Variants in CACNA2D1 observed in about 807,000 individuals in gnomAD.
CACNA2D1 encodes the protein calcium voltage-gated channel auxiliary subunit alpha2delta 1.
A neutral mutation model predicts 171.5 loss-of-function variants in CACNA2D1; 53 were observed. The observed-to-expected ratio is 0.31, with a 90% CI of 0.25 to 0.39. CACNA2D1 has a LOEUF of 0.39. Among genes scored for constraint, CACNA2D1 ranks in the 10% least tolerant of loss-of-function variants. The probability of loss-of-function intolerance (pLI) is 1.00; values close to 1 mark genes in which losing one functional copy is unlikely to be tolerated. For synonymous variants in CACNA2D1, 442 were observed against 443.1 expected (o/e 1.00, Z 0.03); for missense variants, 903 against 1,299.8 (o/e 0.69, Z 4.69).
chr7:82,132,438 T>C (rs1042453597), intron 5 of CACNA2D1, among the ~76,000 whole-genome samples: 3 of 152,194 alleles, frequency 2.0e-5, no homozygotes, highest in African/African-American at 4.8e-5. Context: ...CATATCCTCT[T>C]GCAACAAGGC....
At chr7:82,400,570 A>T (rs1826275746) in intron 1 of CACNA2D1, among the ~76,000 whole-genome samples, 1 of 151,860 alleles carries the variant, frequency 6.6e-6, no homozygotes, top group Non-Finnish European at 1.5e-5. Context: ...TGGATTAAAG[A>T]CTTAAACGTT....
chr7:82,049,840 G>T (rs1804990331), intron 10 of CACNA2D1, among the ~76,000 whole-genome samples: 1 of 152,186 alleles, frequency 6.6e-6, no homozygotes, highest in Non-Finnish European at 1.5e-5. Context: ...CTAGATGGAT[G>T]GCTTTTGATA....
At chr7:82,185,319 C>T (rs1337616824) in intron 3 of CACNA2D1, among the ~76,000 whole-genome samples, 1 of 141,182 alleles carries the variant, frequency 7.1e-6, no homozygotes, top group Non-Finnish European at 1.6e-5. Context: ...GCAGCATTCA[C>T]AGATTGGAAC....
chr7:82,225,198 A>G (rs181507401), intron 3 of CACNA2D1, among the ~76,000 whole-genome samples: 191 of 152,344 alleles, frequency 1.3e-3, no homozygotes, highest in African/African-American at 4.4e-3. Flanking sequence ...GACTTTGCCA[A>G]TTATGAAATT....
rs117698691 is a variant in CACNA2D1 at position 82,160,968 on chromosome 7, T to A, written c.354+9582A>T. Among the ~76,000 whole-genome samples, 471 of 152,198 alleles carry A rather than the reference T, an allele frequency of 3.1e-3. 2 individuals carry two copies. Among genetic ancestry groups the A allele is most frequent in the South Asian group, 5.2e-3 (25 of 4,826 alleles). ...TAAGAGTTTAACAATAGAAAAGCTA[T>A]ACATTTACTTAATATATGTTTTATG... On this transcript the variant is annotated intron_variant, in intron 4 of 38. Transcript: ENST00000356860.
intron 7 of CACNA2D1, among the ~76,000 whole-genome samples, 157 bp downstream of exon 7, chr7:82,084,612 G>A (rs918590644): frequency 6.6e-6 from 1 of 152,120 alleles, no homozygotes; most frequent in Non-Finnish European, 1.5e-5. Context: ...TAAAGTGACT[G>A]TGGTCAATCC....
chr7:82,357,119 T>C (rs1820516485), intron 1 of CACNA2D1, among the ~76,000 whole-genome samples: 1 of 152,152 alleles, frequency 6.6e-6, no homozygotes, highest in South Asian at 2.1e-4. Context: ...AATAAACATA[T>C]AGAATATGCA....
At chr7:82,273,505 AAC>A (rs1453246144) in intron 3 of CACNA2D1, among the ~76,000 whole-genome samples, 1 of 151,800 alleles carries the variant, frequency 6.6e-6, no homozygotes, top group African/African-American at 2.4e-5. Flanking sequence ...TATTTTTAGA[AAC>A]AGGATCTTGC....
chr7:82,288,594 T>G (rs1811142017), intron 3 of CACNA2D1, among the ~76,000 whole-genome samples: 2 of 152,174 alleles, frequency 1.3e-5, no homozygotes, highest in African/African-American at 4.8e-5. Context: ...AGACACTGAT[T>G]TAATATTCCA....
intron 4 of CACNA2D1, among the ~76,000 whole-genome samples, chr7:82,151,453 A>G (rs3801742): frequency 0.4 from 60,893 of 151,972 alleles, 13,024 homozygotes; most frequent in African/African-American, 0.57. Flanking sequence ...TTCTTAGTCC[A>G]TGGTTGCTAA....
intron 19 of CACNA2D1, among the ~76,000 whole-genome samples, chr7:81,995,660 A>C (rs1400386226): frequency 6.6e-6 from 1 of 152,010 alleles, no homozygotes; most frequent in African/African-American, 2.4e-5. Flanking sequence ...TTAGCCAGGC[A>C]TGGTGGCAGG....
At chr7:82,138,387 AT>A (rs1356442456) in intron 4 of CACNA2D1, among the ~76,000 whole-genome samples, 1 of 151,862 alleles carries the variant, frequency 6.6e-6, no homozygotes, top group African/African-American at 2.4e-5. Flanking sequence ...TTTAACATGC[AT>A]AAAAATTCTA....
chr7:82,284,174 A>G (rs1054748678), intron 3 of CACNA2D1, among the ~76,000 whole-genome samples: 9 of 151,500 alleles, frequency 5.9e-5, no homozygotes, highest in Middle Eastern at 3.4e-3. Flanking sequence ...CCTGGGCAAC[A>G]TAAGAGCCTT....
rs1304283780 is a variant in CACNA2D1 at position 81,956,681 on chromosome 7, AC to A, written c.3159+2593del. Reference sequence around the variant, plus strand: ...GCTATTCTACTCCCCACCCTCTATCACCCCTGCCTGTGAATTCACTCCATTC... The same window carrying A: ...GCTATTCTACTCCCCACCCTCTATCACCCTGCCTGTGAATTCACTCCATTC... On this transcript the variant is annotated intron_variant, in intron 38 of 38. Coordinates refer to ENST00000356860, the MANE Select transcript of CACNA2D1 (RefSeq NM_000722.4). 9.9e-5 allele frequency among the ~76,000 whole-genome samples: 15 copies of A among 151,656 alleles called. No homozygotes were observed. In the East Asian group the frequency reaches 2.9e-3, roughly 30 times the overall value.
At chr7:82,103,520 G>A (rs1293163309) in intron 6 of CACNA2D1, among the ~76,000 whole-genome samples, 2 of 151,952 alleles carry the variant, frequency 1.3e-5, no homozygotes, top group Non-Finnish European at 2.9e-5. Context: ...TCTTAATGTC[G>A]AGTTTTACCG....
chr7:82,103,559 G>A (rs532530161), intron 6 of CACNA2D1, among the ~76,000 whole-genome samples: 1 of 152,172 alleles, frequency 6.6e-6, no homozygotes, highest in South Asian at 2.1e-4. Context: ...CAAGACACAT[G>A]ATTACCAGTT....
chr7:82,083,261 A>G (rs1320506439), intron 7 of CACNA2D1, among the ~76,000 whole-genome samples: 1 of 152,040 alleles, frequency 6.6e-6, no homozygotes, highest in Non-Finnish European at 1.5e-5. Flanking sequence ...ATATTCTTAT[A>G]TTTGTATATT....
chr7:82,152,976 A>G (rs1320326476), intron 4 of CACNA2D1, among the ~76,000 whole-genome samples: 1 of 151,358 alleles, frequency 6.6e-6, no homozygotes, highest in Non-Finnish European at 1.5e-5. Context: ...AGAGGGAAAC[A>G]TGGCTGTAAT....
chr7:82,202,607 G>A (rs1431258780), intron 3 of CACNA2D1, among the ~76,000 whole-genome samples: 1 of 152,166 alleles, frequency 6.6e-6, no homozygotes, highest in Non-Finnish European at 1.5e-5. Flanking sequence ...TTTGACCGCG[G>A]TACAAGAAGT....
Sources: gnomAD v4.1 joint callset for allele counts (sites outside exome capture counted in the v4.1 genomes callset) on GRCh38, gnomAD v4.1.1 for gene constraint, MANE v1.5 for transcripts, NCBI Gene and HGNC (gene_info 2026-07-23, HGNC 2026-07-21) for gene names.